The following SBF2 variants were observed in gnomAD, a reference collection of about 807,000 sequenced individuals.
The protein encoded by SBF2 is myotubularin-related protein 13.
Under a neutral mutation model 225.2 loss-of-function variants are expected in SBF2, and 112 were observed. That is an observed-to-expected ratio of 0.50 (90% CI 0.43 to 0.58). SBF2 has a LOEUF of 0.58. Among genes scored for constraint, SBF2 ranks in the 20% least tolerant of loss-of-function variants. The pLI is 0.00. For missense variants in SBF2, 1,996 were observed against 2,206.2 expected (o/e 0.90, Z 1.91); for synonymous variants, 763 against 773.3 (o/e 0.99, Z 0.22).
At chr11:9,818,600 T>C (rs903924003) in intron 28 of SBF2, among the ~76,000 whole-genome samples, 1 of 152,220 alleles carries the variant, frequency 6.6e-6, no homozygotes, top group African/African-American at 2.4e-5. Context: ...ATTAAAGTCA[T>C]GTTTCTAGGT....
chr11:9,864,646 C>CA (rs1858038563), intron 17 of SBF2, among the ~76,000 whole-genome samples: 1 of 151,362 alleles, frequency 6.6e-6, no homozygotes, highest in African/African-American at 2.4e-5. Flanking sequence ...CTCGGCCACC[C>CA]AAAGTTCTAG....
intron 19 of SBF2, among the ~76,000 whole-genome samples, chr11:9,855,316 G>A (rs1349903957): frequency 6.6e-6 from 1 of 152,104 alleles, no homozygotes; most frequent in Non-Finnish European, 1.5e-5. Context: ...AGGTGTCCCT[G>A]ACAAAAATGA....
At chr11:10,138,477 T>C (rs916629674) in intron 2 of SBF2, among the ~76,000 whole-genome samples, 6 of 152,110 alleles carry the variant, frequency 3.9e-5, no homozygotes, top group Admixed American at 1.3e-4. Context: ...TTCATGTTTA[T>C]TGCTTCCTTC....
chr11:9,974,797 C>T (rs1946604922), intron 13 of SBF2, among the ~76,000 whole-genome samples: 1 of 151,058 alleles, frequency 6.6e-6, no homozygotes, highest in African/African-American at 2.4e-5. Flanking sequence ...CCCGCCTCTA[C>T]TAAAAATATA....
At chr11:10,229,151 T>A (rs530751743) in intron 1 of SBF2, among the ~76,000 whole-genome samples, 1 of 152,164 alleles carries the variant, frequency 6.6e-6, no homozygotes, top group Admixed American at 6.5e-5. Context: ...TTCTGTGGGA[T>A]AGGTGGTGAT....
At chr11:10,068,648 ATAGTACC>A (rs1950726092) in intron 2 of SBF2, among the ~76,000 whole-genome samples, 1 of 152,320 alleles carries the variant, frequency 6.6e-6, no homozygotes, top group South Asian at 2.1e-4. Context: ...AATGTTTAAC[ATAGTACC>A]TAGCAAAGAG....
intron 2 of SBF2, among the ~76,000 whole-genome samples, chr11:10,147,073 T>C (rs1285826647): frequency 1.3e-5 from 2 of 148,208 alleles, no homozygotes; most frequent in South Asian, 2.1e-4. Context: ...AAAAAATAGA[T>C]GCTGACAAGG....
At chr11:9,914,245 T>C (rs548137872) in intron 16 of SBF2, among the ~76,000 whole-genome samples, 1 of 152,252 alleles carries the variant, frequency 6.6e-6, no homozygotes, top group Non-Finnish European at 1.5e-5. Flanking sequence ...AGTAGAAAGA[T>C]GGAAATTCCT....
At chr11:10,248,475 G>T (rs1291593437) in intron 1 of SBF2, among the ~76,000 whole-genome samples, 2 of 152,182 alleles carry the variant, frequency 1.3e-5, no homozygotes, top group Non-Finnish European at 2.9e-5. Context: ...TGAGATGCTG[G>T]AAAGAGTCAG....
At chr11:10,226,200 C>T (rs1958532270) in intron 1 of SBF2, among the ~76,000 whole-genome samples, 1 of 152,050 alleles carries the variant, frequency 6.6e-6, no homozygotes, top group Non-Finnish European at 1.5e-5. Context: ...TAGCATTTAT[C>T]TTTATTAGCA....
At chr11:9,895,071 C>A (rs75089815) in intron 17 of SBF2, among the ~76,000 whole-genome samples, 11,585 of 152,226 alleles carry the variant, frequency 0.076, 510 homozygotes, top group East Asian at 0.1. Context: ...TTGACTGATT[C>A]ATCCCTAAAC....
chr11:9,817,092 G>C (rs1202517672), intron 28 of SBF2, 68 bp from the exon 29 acceptor site: 2 of 1,547,518 alleles, frequency 1.3e-6, no homozygotes, highest in Non-Finnish European at 8.9e-7. Context: ...AAGGAAAAAG[G>C]TGCATGCTCT....
intron 13 of SBF2, among the ~76,000 whole-genome samples, chr11:9,979,876 C>T (rs115388336): frequency 0.014 from 2,075 of 148,946 alleles, 51 homozygotes; most frequent in African/African-American, 0.048. Context: ...GTGGCTCAAT[C>T]ATAGCTTACT....
At chr11:10,070,004 G>A (rs938603247) in intron 2 of SBF2, among the ~76,000 whole-genome samples, 6 of 151,106 alleles carry the variant, frequency 4.0e-5, no homozygotes, top group African/African-American at 1.5e-4. Flanking sequence ...TGTTGATGGG[G>A]TTGTTTTTTT....
At chr11:9,992,576 A>C (rs773408863) in intron 11 of SBF2, 33 bp from the exon 12 acceptor site, 1 of 1,603,680 alleles carries the variant, frequency 6.2e-7, no homozygotes, top group South Asian at 1.1e-5. Flanking sequence ...ATAATAATTT[A>C]TCACTTGGTA....
intron 1 of SBF2, among the ~76,000 whole-genome samples, chr11:10,223,399 T>TATATATATATATA (rs1555082901): frequency 1.7e-5 from 1 of 59,278 alleles, no homozygotes; most frequent in African/African-American, 6.0e-5. Context: ...ATTTTGCACA[T>TATATATATATATA]TATATATATA....
rs1037479433 is a variant in SBF2, at chr11:9,959,790, G to A, written c.1860+2167C>T. 2.2e-5 allele frequency: 14 copies of A among 625,004 alleles called. No individual in the cohort carries two copies. In the African/African-American group the frequency reaches 2.6e-4, roughly 11 times the overall value. The allele number at this position is 625,004 out of a possible 1,614,324, so 38.7% of individuals were successfully genotyped here. On this transcript the variant is annotated intron_variant, in intron 16 of 39. Coordinates refer to ENST00000256190, the MANE Select transcript of SBF2 (RefSeq NM_030962.4). ...GGGAGCTTGCTGAGATGGTCATGGT[G>A]GAAGGTGTTCTGGGCACTGAGCAGG...
At chr11:10,020,135 G>A (rs746530680) in intron 6 of SBF2, among the ~76,000 whole-genome samples, 71 of 152,224 alleles carry the variant, frequency 4.7e-4, no homozygotes, top group South Asian at 6.2e-4. Context: ...TGGTGCCAGG[G>A]AAGGGCAGTT....
At chr11:10,159,979 G>A (rs576646077) in intron 2 of SBF2, among the ~76,000 whole-genome samples, 267 of 152,204 alleles carry the variant, frequency 1.8e-3, no homozygotes, top group Non-Finnish European at 2.9e-3. Context: ...GGCTGTGTGT[G>A]AATTGCACTT....
Sources: allele counts gnomAD v4.1 joint callset (sites outside exome capture counted in the v4.1 genomes callset), GRCh38; gene constraint gnomAD v4.1.1; transcripts MANE v1.5; gene names NCBI Gene and HGNC (gene_info 2026-07-23, HGNC 2026-07-21).